DLG2: variants seen among roughly 807,000 people sequenced by gnomAD.
DLG2 encodes discs large MAGUK scaffold protein 2.
In DLG2, 45 loss-of-function variants were observed where a neutral mutation model predicts 132.5. That is an observed-to-expected ratio of 0.34 (90% confidence interval 0.27 to 0.44). The LOEUF is 0.44. DLG2 is among the 20% of genes least tolerant of loss of function. DLG2 has a pLI of 1.00. For synonymous variants in DLG2, 424 were observed against 419.6 expected (o/e 1.01, Z -0.13); for missense variants, 1,045 against 1,196.9 (o/e 0.87, Z 1.87).
At chr11:84,991,168 G>T (rs2057054887) in intron 6 of DLG2, among the ~76,000 whole-genome samples, 1 of 152,130 alleles carries the variant, frequency 6.6e-6, no homozygotes, top group Non-Finnish European at 1.5e-5. Context: ...ACAGAAATGG[G>T]GATTCGATCG....
At chr11:84,213,231 C>A (rs564567465) in intron 8 of DLG2, among the ~76,000 whole-genome samples, 6 of 152,176 alleles carry the variant, frequency 3.9e-5, no homozygotes, top group Non-Finnish European at 7.3e-5. Context: ...ATCTAACCTT[C>A]CATACCCTTT....
At chr11:83,624,540 T>C in intron 19 of DLG2, among the ~76,000 whole-genome samples, 1 of 152,198 alleles carries the variant, frequency 6.6e-6, no homozygotes, top group East Asian at 1.9e-4. Context: ...TCAAAATCTA[T>C]TCTGCTTTAA....
intron 3 of DLG2, among the ~76,000 whole-genome samples, chr11:85,523,946 C>G (rs2074532152): frequency 6.6e-6 from 1 of 152,090 alleles, no homozygotes; most frequent in African/African-American, 2.4e-5. Flanking sequence ...ATGGATGGAG[C>G]TGGAGGTCAT....
chr11:83,579,890 A>C (rs1355267568), intron 19 of DLG2, among the ~76,000 whole-genome samples: 1 of 152,044 alleles, frequency 6.6e-6, no homozygotes, highest in African/African-American at 2.4e-5. Context: ...GAATGGCTTG[A>C]ACCTGGGAGG....
intron 7 of DLG2, among the ~76,000 whole-genome samples, chr11:84,440,779 AC>A (rs1258919904): frequency 1.3e-5 from 2 of 152,208 alleles, no homozygotes; most frequent in East Asian, 3.8e-4. Flanking sequence ...ATGCCTCAAC[AC>A]ACACACTATG....
At chr11:85,600,468 C>G (rs1018105520) in intron 2 of DLG2, among the ~76,000 whole-genome samples, 1 of 152,170 alleles carries the variant, frequency 6.6e-6, no homozygotes, top group South Asian at 2.1e-4. Flanking sequence ...GGCACCTACA[C>G]GCACATGAGT....
At chr11:84,848,324 T>C (rs944266236) in intron 6 of DLG2, among the ~76,000 whole-genome samples, 9 of 152,012 alleles carry the variant, frequency 5.9e-5, no homozygotes, top group African/African-American at 2.2e-4. Flanking sequence ...TGAAGACCCA[T>C]CTCTACTAAA....
At chr11:83,535,531 C>T (rs565600756) in intron 20 of DLG2, among the ~76,000 whole-genome samples, 1 of 152,158 alleles carries the variant, frequency 6.6e-6, no homozygotes, top group Middle Eastern at 3.4e-3. Flanking sequence ...AATGGTTCAT[C>T]CCTTAAATCT....
rs183877406 is a variant in DLG2, at chr11:84,185,270, T to C, written c.574-21759A>G. Among the ~76,000 whole-genome samples, 53 of 152,320 alleles carry C rather than the reference T, an allele frequency of 3.5e-4. No individual in the cohort carries two copies. The East Asian group carries it at 8.5e-3, about 24-fold the overall frequency. On this transcript the variant is annotated intron_variant, in intron 8 of 27. Transcript: ENST00000376104. ...ATTGAGCAGTGATATGTAGTTCTCC[T>C]TGAAGAGGTCCTTCATGTCCCTTGT...
At chr11:84,871,323 C>T (rs2085425192) in intron 6 of DLG2, among the ~76,000 whole-genome samples, 1 of 152,198 alleles carries the variant, frequency 6.6e-6, no homozygotes, top group Non-Finnish European at 1.5e-5. Context: ...TATCGGAAAT[C>T]ACTGGCTGTG....
At chr11:84,480,756 CT>C (rs777828752) in intron 7 of DLG2, among the ~76,000 whole-genome samples, 2,213 of 112,990 alleles carry the variant, frequency 0.02, 53 homozygotes, top group African/African-American at 0.063. Flanking sequence ...TGGGGGTTTT[CT>C]TTTTTTTTTT....
chr11:85,321,030 T>G (rs999802735), intron 3 of DLG2, among the ~76,000 whole-genome samples: 1 of 151,668 alleles, frequency 6.6e-6, no homozygotes, highest in Admixed American at 6.6e-5. Context: ...TAAAATAAAA[T>G]AAAATAATCT....
At chr11:84,934,515 G>GTTTTTTTTTTTTT (rs2048482997) in intron 6 of DLG2, among the ~76,000 whole-genome samples, 2 of 40,510 alleles carry the variant, frequency 4.9e-5, no homozygotes, top group African/African-American at 2.1e-4. Flanking sequence ...TTTTTTTTTT[G>GTTTTTTTTTTTTT]TTTTGTTTTG....
intron 4 of DLG2, among the ~76,000 whole-genome samples, chr11:85,210,587 G>A (rs933206986): frequency 2.0e-5 from 3 of 151,806 alleles, no homozygotes; most frequent in African/African-American, 4.8e-5. Flanking sequence ...AAGCCACTCA[G>A]ATCTCTTTCA....
intron 7 of DLG2, among the ~76,000 whole-genome samples, chr11:84,304,133 A>G (rs2098188520): frequency 1.3e-5 from 2 of 152,232 alleles, no homozygotes; most frequent in Admixed American, 1.3e-4. Context: ...TATTGAACAC[A>G]TAGTTCCTCT....
At chr11:83,764,001 T>C (rs930124065) in intron 18 of DLG2, among the ~76,000 whole-genome samples, 2 of 152,248 alleles carry the variant, frequency 1.3e-5, no homozygotes, top group African/African-American at 2.4e-5. Flanking sequence ...TCAGAACTTA[T>C]CTTTCAGGTA....
intron 18 of DLG2, among the ~76,000 whole-genome samples, chr11:83,650,325 T>C (rs1343746634): frequency 6.6e-6 from 1 of 152,114 alleles, no homozygotes; most frequent in African/African-American, 2.4e-5. Flanking sequence ...GTAGGCAAGG[T>C]CAAAGGAGGA....
intron 4 of DLG2, among the ~76,000 whole-genome samples, chr11:85,162,215 G>A (rs1483120487): frequency 6.6e-6 from 1 of 152,174 alleles, no homozygotes; most frequent in African/African-American, 2.4e-5. Context: ...GTAAGGAAGT[G>A]TGTGCGTGGA....
At position 84,812,299 on chromosome 11, in the gene DLG2, T is replaced by C. The variant is rs373349187; in HGVS notation, c.358-277568A>G. 7.2e-5 allele frequency among the ~76,000 whole-genome samples: 11 copies of C among 152,318 alleles called. No individual in the cohort carries two copies. In the East Asian group the frequency reaches 2.1e-3, roughly 29 times the overall value. On this transcript the variant is annotated intron_variant, in intron 6 of 27. Coordinates refer to ENST00000376104, the MANE Select transcript of DLG2 (RefSeq NM_001142699.3). ...GTAAAATACTGGAATAATTGAACTT[T>C]ATAAACTCACAAACATACTTGCACC...
Sources: gnomAD v4.1 joint callset for allele counts (sites outside exome capture counted in the v4.1 genomes callset) on GRCh38, gnomAD v4.1.1 for gene constraint, MANE v1.5 for transcripts, NCBI Gene and HGNC (gene_info 2026-07-23, HGNC 2026-07-21) for gene names.